ANKS6: variants seen among roughly 807,000 people sequenced by gnomAD.
ANKS6 encodes the protein ankyrin repeat and SAM domain-containing protein 6.
ANKS6 carries 47 observed loss-of-function variants against 77.9 expected under a neutral mutation model. The observed-to-expected ratio is 0.60, with a 90% CI of 0.48 to 0.77. The LOEUF (loss-of-function observed/expected upper bound fraction) is 0.77, where lower values mean the gene tolerates loss of function less well. Ranked by LOEUF, ANKS6 falls within the 30% of genes least tolerant of loss-of-function variation. ANKS6 has a pLI of 0.00. For synonymous variants in ANKS6, 488 were observed against 501.7 expected (o/e 0.97, Z 0.37); for missense variants, 1,150 against 1,159.1 (o/e 0.99, Z 0.11).
At chr9:98,761,463 T>A (rs557147955) in intron 11 of ANKS6, among the ~76,000 whole-genome samples, 2 of 152,244 alleles carry the variant, frequency 1.3e-5, no homozygotes, top group Admixed American at 6.5e-5. Flanking sequence ...TCCAGATCTA[T>A]GATTTGAAAA....
rs1831495149 is a variant in ANKS6, at chr9:98,736,243, T to C, written c.*276A>G. 2 of 1,259,934 alleles carry C rather than the reference T, an allele frequency of 1.6e-6. No homozygotes were observed. The highest frequency in any genetic ancestry group is 1.0e-6 in the Non-Finnish European group (1 of 1,002,706). 78.0% of individuals were successfully genotyped at this position (1,259,934 alleles called of 1,614,324 possible). On this transcript the variant is annotated 3_prime_UTR_variant, in exon 15 of 15. Transcript: ENST00000353234. ...CTCCCGGGGAGGGCAGAGCACAGGA[T>C]GAAAGGAGCTGAGTCCCTGCATCAC...
In ANKS6 at chr9:98,779,523, T is replaced by C. The variant is rs11793077; in HGVS notation, c.1368+666A>G. 1.1e-3 allele frequency among the ~76,000 whole-genome samples: 170 copies of C among 152,262 alleles called. 1 individual carries two copies. The highest frequency in any genetic ancestry group is 3.4e-3 in the Middle Eastern group (1 of 294). On this transcript the variant is annotated intron_variant, in intron 6 of 14. Transcript: ENST00000353234. ...CCATATCAAAATCTGGATTTCTATT[T>C]TTTCCTTTAAAAAAAAAAGAGAGAG...
chr9:98,749,467 G>A (rs7871294), intron 13 of ANKS6, among the ~76,000 whole-genome samples: 14 of 152,148 alleles, frequency 9.2e-5, no homozygotes, highest in Non-Finnish European at 1.8e-4. Context: ...CGTTCCCTAC[G>A]CTGGACAACC....
At position 98,736,263 on chromosome 9, in the gene ANKS6, C is replaced by A; in HGVS notation, c.*256G>T. 7.6e-7 allele frequency: 1 copy of A among 1,323,716 alleles called. No homozygotes were observed. Among genetic ancestry groups the A allele is most frequent in the Non-Finnish European group, 9.6e-7 (1 of 1,039,998 alleles). The allele number at this position is 1,323,716 out of a possible 1,614,324, so 82.0% of individuals were successfully genotyped here. A position where few individuals can be genotyped will look rare whatever the true frequency, so the allele number is the denominator to read the frequency against. On this transcript the variant is annotated 3_prime_UTR_variant, in exon 15 of 15. Transcript: ENST00000353234. The stretch of plus-strand genomic sequence containing the variant: ...CAGGATGAAAGGAGCTGAGTCCCTG[C>A]ATCACTGTGTGAACCAACCTGCCAA...
At chr9:98,768,650 C>T (rs942162592) in intron 10 of ANKS6, among the ~76,000 whole-genome samples, 2 of 152,180 alleles carry the variant, frequency 1.3e-5, no homozygotes, top group Admixed American at 1.3e-4. Flanking sequence ...ACCAGGGCTT[C>T]AGGAGGGCTA....
chr9:98,783,803 C>CT (rs10711864), intron 4 of ANKS6, 150 bp downstream of exon 4: 394 of 419,782 alleles, frequency 9.4e-4, no homozygotes, highest in East Asian at 4.7e-3. Flanking sequence ...GCCTGTGCCG[C>CT]TTTTTTTTTT....
At chr9:98,741,944 A>T (rs1034473843) in intron 14 of ANKS6, among the ~76,000 whole-genome samples, 1 of 152,274 alleles carries the variant, frequency 6.6e-6, no homozygotes, top group African/African-American at 2.4e-5. Context: ...TCATGTAAAC[A>T]CATGTAACTG....
intron 1 of ANKS6, among the ~76,000 whole-genome samples, chr9:98,795,799 G>A (rs954387568): frequency 1.3e-5 from 2 of 152,100 alleles, no homozygotes; most frequent in Admixed American, 6.5e-5. Flanking sequence ...CACCCTCAAC[G>A]CCAAGCCAGG....
chr9:98,787,138 G>C (rs973352934), intron 2 of ANKS6, among the ~76,000 whole-genome samples: 3 of 152,160 alleles, frequency 2.0e-5, no homozygotes, highest in Admixed American at 6.5e-5. Context: ...GGATTTCCGG[G>C]AACTGCACAG....
rs931890787 is a variant in ANKS6, at chr9:98,791,103, G to A, written c.360-497C>T. On this transcript the variant is annotated intron_variant, in intron 1 of 14. Transcript: ENST00000353234. This position sits in a 1 kb window ranked among gnomAD's most constrained non-coding sequence, Gnocchi z 4.3. ...AGGACAGGTCTGTGTGAATGCCGCT[G>A]CCCTTGCTTTTTCTCTTACACCATG... Among the ~76,000 whole-genome samples, 1 of 152,200 alleles carries A rather than the reference G, an allele frequency of 6.6e-6. No homozygotes were observed. Among genetic ancestry groups the A allele is most frequent in the African/African-American group, 2.4e-5 (1 of 41,442 alleles).
At chr9:98,760,311 T>C (rs1832940122) in intron 11 of ANKS6, among the ~76,000 whole-genome samples, 1 of 152,124 alleles carries the variant, frequency 6.6e-6, no homozygotes, top group Non-Finnish European at 1.5e-5. Context: ...ATTAAATCAT[T>C]GGCCACTGAT....
intron 14 of ANKS6, among the ~76,000 whole-genome samples, chr9:98,740,475 A>G (rs1831764013): frequency 6.6e-6 from 1 of 152,210 alleles, no homozygotes; most frequent in African/African-American, 2.4e-5. Context: ...TGGGGATGTT[A>G]CCTGCCAGCG....
chr9:98,796,110 G>A (rs1835160967), intron 1 of ANKS6, 23 bp downstream of exon 1: 3 of 1,322,414 alleles, frequency 2.3e-6, no homozygotes, highest in Non-Finnish European at 2.9e-6. Context: ...CTGGTCCCGG[G>A]CCCCCGGGCC....
intron 14 of ANKS6, among the ~76,000 whole-genome samples, chr9:98,736,880 T>C (rs1831530427): frequency 6.6e-6 from 1 of 151,932 alleles, no homozygotes; most frequent in Non-Finnish European, 1.5e-5. Context: ...CTGGACAGAG[T>C]GGGAGGCCGA....
In ANKS6 at chr9:98,734,172, C is replaced by G. The variant is rs936981602; in HGVS notation, c.*2347G>C. On this transcript the variant is annotated 3_prime_UTR_variant, in exon 15 of 15. Coordinates refer to ENST00000353234, the MANE Select transcript of ANKS6 (RefSeq NM_173551.5). Reference sequence around the variant, plus strand: ...GCCAGGGACCTCTTGTGAACCAGCACACAAACTTCCTAGGATGAAAAGCCT... The same window carrying G: ...GCCAGGGACCTCTTGTGAACCAGCAGACAAACTTCCTAGGATGAAAAGCCT... 2 of 985,292 alleles carry G rather than the reference C, an allele frequency of 2.0e-6. No homozygotes were observed. The highest frequency in any genetic ancestry group is 3.5e-5 in the African/African-American group (2 of 57,210). 61.0% of individuals were successfully genotyped at this position (985,292 alleles called of 1,614,324 possible).
chr9:98,784,135 C>A lies in ANKS6; in HGVS notation c.930G>T (p.Glu310Asp). Residue 310 changes from glutamate to aspartate, a missense_variant, in exon 4 of 15, where the codon GAG (glutamate) becomes GAT (aspartate). Glu to Asp is a conservative substitution (Grantham distance 45). Coordinates refer to ENST00000353234, the MANE Select transcript of ANKS6 (RefSeq NM_173551.5). ...LKMGNFQLVK[E>D]IADEDPSHVN... is the part of the protein sequence containing the mutation. ...CGTGGCTGGGGTCTTCATCGGCAAT[C>A]TCTTTGACCAGCTGGAAGTTTCCTG... 6.5e-7 allele frequency: 1 copy of A among 1,545,246 alleles called. No homozygotes were observed. Among genetic ancestry groups the A allele is most frequent in the African/African-American group, 1.4e-5 (1 of 72,840 alleles).
intron 1 of ANKS6, among the ~76,000 whole-genome samples, chr9:98,794,091 A>C (rs1360586009): frequency 2.1e-5 from 3 of 143,062 alleles, no homozygotes; most frequent in African/African-American, 7.8e-5. Flanking sequence ...CGGAGGTTGC[A>C]GTGAGTCGAG....
intron 6 of ANKS6, among the ~76,000 whole-genome samples, chr9:98,779,970 C>T (rs956804787): frequency 5.9e-5 from 9 of 152,190 alleles, no homozygotes; most frequent in Non-Finnish European, 1.3e-4. Flanking sequence ...CCGCGTGGAC[C>T]CACATTCTTA....
intron 2 of ANKS6, among the ~76,000 whole-genome samples, chr9:98,788,637 C>A (rs1834713655): frequency 1.3e-5 from 2 of 152,226 alleles, no homozygotes; most frequent in Non-Finnish European, 2.9e-5. Context: ...GGATAACCTG[C>A]CTTCTGCTCA....
Sources: allele counts gnomAD v4.1 joint callset (sites outside exome capture counted in the v4.1 genomes callset), GRCh38; gene constraint gnomAD v4.1.1; non-coding constraint Gnocchi (gnomAD v3.1); transcripts MANE v1.5; gene names NCBI Gene and HGNC (gene_info 2026-07-23, HGNC 2026-07-21).